Variants in PRH1 observed in about 807,000 individuals in gnomAD.
The protein encoded by PRH1 is proline rich protein HaeIII subfamily 1.
Under a neutral mutation model 7.9 loss-of-function variants are expected in PRH1, and 7 were observed. The ratio of observed to expected loss-of-function variants is 0.89; its 90% CI spans 0.50 to 1.67. The LOEUF (loss-of-function observed/expected upper bound fraction) is 1.67. Ranked by LOEUF, PRH1 falls within the 40% of genes most tolerant of loss-of-function variation. The probability of loss-of-function intolerance (pLI) is 0.00; values close to 1 mark genes in which losing one functional copy is unlikely to be tolerated. For missense variants in PRH1, 109 were observed against 223.6 expected, an observed-to-expected ratio of 0.49 and a Z score of 3.27; for synonymous variants, 45 against 80.8, an observed-to-expected ratio of 0.56 and a Z score of 2.38.
chr12:11,099,797 T>G (rs528245877), intron 1 of PRH1, among the ~76,000 whole-genome samples: 7 of 152,230 alleles, frequency 4.6e-5, no homozygotes, highest in African/African-American at 1.7e-4. Context: ...AAAACATAAC[T>G]GATAAAAGAA....
intron 1 of PRH1, among the ~76,000 whole-genome samples, chr12:11,036,836 CGAT>C (rs1942449745): frequency 3.3e-5 from 5 of 152,146 alleles, no homozygotes; most frequent in Admixed American, 3.3e-4. Context: ...AAGATATAGA[CGAT>C]GATGATAATG....
intron 1 of PRH1, among the ~76,000 whole-genome samples, chr12:11,076,440 A>ACTGG (rs1944294465): frequency 8.0e-6 from 1 of 124,476 alleles, no homozygotes; most frequent in Non-Finnish European, 1.8e-5. Flanking sequence ...TTTAAGATAG[A>ACTGG]GAATATTTGA....
chr12:11,021,695 C>G (rs1348136890), intron 1 of PRH1: 1 of 1,610,966 alleles, frequency 6.2e-7, no homozygotes, highest in Non-Finnish European at 8.5e-7. Flanking sequence ...TGCCACAAAA[C>G]TGAAAGAAAG....
chr12:11,039,415 A>G (rs1942605246), intron 1 of PRH1, among the ~76,000 whole-genome samples: 1 of 152,264 alleles, frequency 6.6e-6, no homozygotes, highest in South Asian at 2.1e-4. Context: ...ACTCTTGTTC[A>G]AACACAATGT....
chr12:10,986,585 G>A, intron 1 of PRH1: 1 of 1,614,046 alleles, frequency 6.2e-7, no homozygotes, highest in South Asian at 1.1e-5. Context: ...TGCTGAAATG[G>A]TTGGTTACAA....
intron 1 of PRH1, among the ~76,000 whole-genome samples, chr12:11,032,047 A>C (rs1942247433): frequency 6.6e-6 from 1 of 152,156 alleles, no homozygotes; most frequent in Non-Finnish European, 1.5e-5. Context: ...AAACATTCTT[A>C]TTTTCAAACA....
At chr12:10,945,599 C>T (rs772464044) in intron 2 of PRH1, among the ~76,000 whole-genome samples, 1 of 152,016 alleles carries the variant, frequency 6.6e-6, no homozygotes, top group Non-Finnish European at 1.5e-5. Context: ...ACCACAAGAC[C>T]GGGGCAAAAT....
chr12:11,145,772 G>A (rs1190834442), intron 1 of PRH1, among the ~76,000 whole-genome samples: 1 of 150,718 alleles, frequency 6.6e-6, no homozygotes, highest in African/African-American at 2.4e-5. Context: ...CTTTTTTTTT[G>A]TAACAACTAT....
Position 11,039,585 on chromosome 12 carries a change from A to G in PRH1, c.-126+7435T>C, listed in dbSNP as rs530331435. 2.5e-4 allele frequency among the ~76,000 whole-genome samples: 38 copies of G among 152,364 alleles called. No individual in the cohort carries two copies. The East Asian group carries it at 3.3e-3, about 13-fold the overall frequency. On this transcript the variant is annotated intron_variant, in intron 1 of 3. Transcript: ENST00000539853. ...AGCAATTTAACAACCCAATACACAG[A>G]TGACACATTGGTTTTATTACCTGGT...
intron 1 of PRH1, among the ~76,000 whole-genome samples, chr12:11,101,301 A>G (rs1290970295): frequency 6.6e-6 from 1 of 152,210 alleles, no homozygotes; most frequent in Non-Finnish European, 1.5e-5. Flanking sequence ...CTGCCTGGGC[A>G]ACATGGAAAA....
At chr12:10,958,661 C>A (rs548284970) in intron 2 of PRH1, among the ~76,000 whole-genome samples, 5 of 152,018 alleles carry the variant, frequency 3.3e-5, no homozygotes, top group African/African-American at 1.2e-4. Flanking sequence ...GGAGTGATAA[C>A]GTTCAGTGTT....
At chr12:11,048,161 T>TATAGATAGATAGATAGATAGATAGATAG (rs1555147091), upstream of PRH1, among the ~76,000 whole-genome samples, 1 of 139,092 alleles carries the variant, frequency 7.2e-6, no homozygotes, top group Non-Finnish European at 1.6e-5. Context: ...TGTGTGTGTG[T>TATAGATAGATAGATAGATAGATAGATAG]ATAGATAGAT....
chr12:10,941,618 C>T (rs1455993339), intron 2 of PRH1, among the ~76,000 whole-genome samples: 3 of 151,176 alleles, frequency 2.0e-5, no homozygotes, highest in Non-Finnish European at 3.0e-5. Flanking sequence ...TTTCTCCCTT[C>T]ACTTCTTGTA....
rs1233946537 is a variant in PRH1, at chr12:11,090,577, G to C, written n.124-43389C>G. ...ATGTTTCATCCCTTTATTAGAGAAG[G>C]AATTTTTTCCTAAGCTATTCACATA... is the stretch of plus-strand genomic sequence containing the variant. On this transcript the variant is annotated intron_variant and non_coding_transcript_variant, in intron 1 of 4. Transcript: ENST00000541977. Among the ~76,000 whole-genome samples, 6 of 94,014 alleles carry C rather than the reference G, an allele frequency of 6.4e-5. 2 individuals carry two copies. Among genetic ancestry groups the C allele is most frequent in the African/African-American group, 1.3e-4 (4 of 30,738 alleles). The allele number at this position is 94,014 out of a possible 152,430, so 61.7% of individuals were successfully genotyped here. A position where few individuals can be genotyped will look rare whatever the true frequency, so the allele number is the denominator to read the frequency against.
chr12:11,045,317 C>CAAA (rs34515459), intron 1 of PRH1, among the ~76,000 whole-genome samples: 8 of 138,774 alleles, frequency 5.8e-5, no homozygotes, highest in Non-Finnish European at 7.8e-5. Context: ...TAATGGTTAC[C>CAAA]AAAAAAAAAA....
chr12:11,031,380 C>A (rs756754676), intron 1 of PRH1: 2 of 1,588,620 alleles, frequency 1.3e-6, no homozygotes, highest in South Asian at 2.3e-5. Flanking sequence ...GGTGTTGTGT[C>A]CGGAGTTGGT....
chr12:10,968,563 T>C (rs975429942), intron 2 of PRH1, among the ~76,000 whole-genome samples: 2 of 152,260 alleles, frequency 1.3e-5, no homozygotes, highest in East Asian at 1.9e-4. Context: ...GATTCTCATA[T>C]TATTCTCAGC....
chr12:11,169,947 A>T (rs1281454687), intron 1 of PRH1, among the ~76,000 whole-genome samples: 1 of 152,198 alleles, frequency 6.6e-6, no homozygotes, highest in East Asian at 1.9e-4. Context: ...AGTAGACTAT[A>T]TAGAAACAGA....
At chr12:11,031,373 G>GT (rs1942207921) in intron 1 of PRH1, 2 of 1,598,072 alleles carry the variant, frequency 1.3e-6, no homozygotes, top group Non-Finnish European at 1.7e-6. Context: ...TAATGCTGGT[G>GT]TTGTGTCCGG....
Sources: gnomAD v4.1 joint callset for allele counts (sites outside exome capture counted in the v4.1 genomes callset) on GRCh38, gnomAD v4.1.1 for gene constraint, MANE v1.5 for transcripts, NCBI Gene and HGNC (gene_info 2026-07-23, HGNC 2026-07-21) for gene names.